KLHL14: variants seen among roughly 807,000 people sequenced by gnomAD.
KLHL14 encodes the protein kelch like family member 14, also known as kelch-like protein 14.
A neutral mutation model predicts 64.3 loss-of-function variants in KLHL14; 22 were observed. That is an observed-to-expected ratio of 0.34 (90% CI 0.24 to 0.49). KLHL14 has a LOEUF of 0.49. Ranked by LOEUF, KLHL14 falls within the 20% of genes least tolerant of loss-of-function variation. The probability of loss-of-function intolerance (pLI) is 0.99; values close to 1 mark genes in which losing one functional copy is unlikely to be tolerated. For missense variants in KLHL14, 661 were observed against 789.0 expected, an observed-to-expected ratio of 0.84 and a Z score of 1.94; for synonymous variants, 322 against 333.4, an observed-to-expected ratio of 0.97 and a Z score of 0.37.
At chr18:32,758,217 GGTTCAAGCA>G (rs1238522546) in intron 2 of KLHL14, among the ~76,000 whole-genome samples, 1 of 151,930 alleles carries the variant, frequency 6.6e-6, no homozygotes, top group African/African-American at 2.4e-5. Flanking sequence ...CAAACTCCTG[GGTTCAAGCA>G]GTTTTCCTGC....
chr18:32,733,973 C>G (rs2050150129), intron 3 of KLHL14: 1 of 585,300 alleles, frequency 1.7e-6, no homozygotes, highest in Non-Finnish European at 3.0e-6. Context: ...CATTCCGGGT[C>G]AAGAGGAGTC....
intron 3 of KLHL14, among the ~76,000 whole-genome samples, chr18:32,724,124 GA>G (rs2050093728): frequency 6.6e-6 from 1 of 152,112 alleles, no homozygotes; most frequent in Non-Finnish European, 1.5e-5. Context: ...TGGCTTAATA[GA>G]AAAAACACTG....
chr18:32,703,114 G>T (rs917569763), intron 3 of KLHL14, among the ~76,000 whole-genome samples: 6 of 152,120 alleles, frequency 3.9e-5, no homozygotes, highest in Non-Finnish European at 5.9e-5. Context: ...TCTTTGGCTT[G>T]TCACCCCCAA....
At chr18:32,730,772 C>G (rs1466439784) in intron 3 of KLHL14, among the ~76,000 whole-genome samples, 1 of 152,152 alleles carries the variant, frequency 6.6e-6, no homozygotes, top group African/African-American at 2.4e-5. Flanking sequence ...AATGTGGGAA[C>G]ATTATGGTCT....
intron 2 of KLHL14, among the ~76,000 whole-genome samples, chr18:32,766,351 A>C (rs527594978): frequency 6.6e-6 from 1 of 152,200 alleles, no homozygotes; most frequent in African/African-American, 2.4e-5. Flanking sequence ...TTTACATTTA[A>C]TATACTAAAC....
chr18:32,696,745 G>A (rs2049938723), intron 3 of KLHL14, among the ~76,000 whole-genome samples: 1 of 152,140 alleles, frequency 6.6e-6, no homozygotes, highest in African/African-American at 2.4e-5. Context: ...GTGCTATATA[G>A]CTCTCATTTC....
chr18:32,717,157 C>T (rs987867112), intron 3 of KLHL14, among the ~76,000 whole-genome samples: 1 of 152,122 alleles, frequency 6.6e-6, no homozygotes, highest in African/African-American at 2.4e-5. Flanking sequence ...CTTTTAGTTA[C>T]GTGAGAAAAC....
Position 32,680,407 on chromosome 18 carries a change from G to A in KLHL14, c.1429+2C>T. The A allele has an allele frequency of 6.2e-7, 1 of 1,613,826 alleles. No individual in the cohort carries two copies. Among genetic ancestry groups the A allele is most frequent in the Non-Finnish European group, 8.5e-7 (1 of 1,179,806 alleles). ...GTAACAGAAAGTGGAGGAATTACTTGCCTGAAATGTATATTTTCCCATTGT... is the reference window on the plus strand; with the variant it reads ...GTAACAGAAAGTGGAGGAATTACTTACCTGAAATGTATATTTTCCCATTGT... On this transcript the variant is annotated splice_donor_variant, in intron 6 of 8. Coordinates refer to ENST00000359358, the MANE Select transcript of KLHL14 (RefSeq NM_020805.3). LOFTEE classifies it low-confidence loss of function (GC_TO_GT_DONOR). This position sits in a 1 kb window ranked among gnomAD's most constrained non-coding sequence, Gnocchi z 4.8.
At position 32,677,271 on chromosome 18, in the gene KLHL14, T is replaced by C. The variant is rs1308086233; in HGVS notation, c.1648A>G (p.Asn550Asp). 2.5e-6 allele frequency: 4 copies of C among 1,613,612 alleles called. No homozygotes were observed. In the East Asian group the frequency reaches 8.9e-5, roughly 36 times the overall value. The change falls in exon 8 of 9, where the codon AAT becomes GAT. Residue 550 changes from asparagine (N) to aspartate (D), a missense_variant. Around this residue, in one of 2 missense-constraint regions of KLHL14, gnomAD observed 330 missense variants for 450.0 expected, o/e 0.73. Coordinates refer to ENST00000359358, the MANE Select transcript of KLHL14 (RefSeq NM_020805.3). ...ECYDPKGDQWNILQTPILEGR... is the reference protein window; with the variant it reads ...ECYDPKGDQWDILQTPILEGR... ...TCCAAAATGGGAGTTTGGAGTATATTCCACTGGTCACCTTTTGGGTCATAG... is the reference window on the plus strand; with the variant it reads ...TCCAAAATGGGAGTTTGGAGTATATCCCACTGGTCACCTTTTGGGTCATAG...
At chr18:32,686,691 CTAAT>C (rs1338587714) in intron 5 of KLHL14, among the ~76,000 whole-genome samples, 2 of 151,864 alleles carry the variant, frequency 1.3e-5, no homozygotes, top group African/African-American at 4.8e-5. Flanking sequence ...TATTTCATAT[CTAAT>C]TATCTAAATA....
At chr18:32,761,076 C>T (rs1364164719) in intron 2 of KLHL14, among the ~76,000 whole-genome samples, 1 of 152,178 alleles carries the variant, frequency 6.6e-6, no homozygotes, top group Non-Finnish European at 1.5e-5. Flanking sequence ...AAACTTAAAA[C>T]AGCATTTTAT....
At chr18:32,767,419 T>C (rs1435996717) in intron 2 of KLHL14, among the ~76,000 whole-genome samples, 1 of 152,214 alleles carries the variant, frequency 6.6e-6, no homozygotes, top group Non-Finnish European at 1.5e-5. Flanking sequence ...CAATGATAGG[T>C]TCGCATGAAC....
chr18:32,688,603 G>T (rs1298775355), intron 4 of KLHL14, among the ~76,000 whole-genome samples: 1 of 152,236 alleles, frequency 6.6e-6, no homozygotes, highest in Non-Finnish European at 1.5e-5. Context: ...GGGCAGGAAA[G>T]AATTAAGTCC....
intron 5 of KLHL14, among the ~76,000 whole-genome samples, chr18:32,682,610 A>C (rs1301098645): frequency 6.6e-6 from 1 of 152,090 alleles, no homozygotes; most frequent in Non-Finnish European, 1.5e-5. Flanking sequence ...GGGACTAAAA[A>C]CTCATCTAAA....
Position 32,770,145 on chromosome 18 carries a change from C to T in KLHL14, c.447G>A (p.Leu149=), listed in dbSNP as rs1468916040. 1 of 1,614,166 alleles carries T rather than the reference C, an allele frequency of 6.2e-7. No individual in the cohort carries two copies. Among genetic ancestry groups the T allele is most frequent in the South Asian group, 1.1e-5 (1 of 91,088 alleles). ...GCACCTCCTCCACCGTGTCCAGGGA[C>T]AGGGTCACGTTGGCCGTGTAGAGGT... is the stretch of plus-strand genomic sequence containing the variant. The part of the protein sequence containing the change: ...LEYLYTANVT[L]SLDTVEEVLS... The change falls in exon 2 of 9, where the codon CTG becomes CTA. Residue 149 remains leucine, a synonymous_variant. Coordinates refer to ENST00000359358, the MANE Select transcript of KLHL14 (RefSeq NM_020805.3). The surrounding 1 kb of genome is among the most constrained non-coding windows in gnomAD (Gnocchi z 6.7).
intron 2 of KLHL14, among the ~76,000 whole-genome samples, chr18:32,747,833 C>T (rs2050231354): frequency 6.6e-6 from 1 of 152,068 alleles, no homozygotes. Flanking sequence ...GTTTTCAAGC[C>T]AAGTTTTTCC....
intron 3 of KLHL14, among the ~76,000 whole-genome samples, chr18:32,735,623 A>C (rs1257050011): frequency 2.0e-5 from 3 of 152,124 alleles, no homozygotes; most frequent in Non-Finnish European, 4.4e-5. Context: ...CCATTTCTTT[A>C]GTAATATTCC....
rs765533940 is a variant in KLHL14 at position 32,770,393 on chromosome 18, G to T, written c.199C>A (p.Pro67Thr). ...YFRSLFSSHPPLGGGVGGQDG... is the reference protein window; with the variant it reads ...YFRSLFSSHPTLGGGVGGQDG... ...TGGCCGCCGACCCCTCCCCCGAGAG[G>T]GGGGTGGCTGGAGAAGAGCGATCGG... The change falls in exon 2 of 9, where the codon CCT becomes ACT. Residue 67 changes from proline to threonine, a missense_variant. Pro to Thr is a conservative substitution (Grantham distance 38). This residue lies in a region of KLHL14 where 331 missense variants were observed against 339.0 expected (regional missense o/e 0.98). Coordinates refer to ENST00000359358, the MANE Select transcript of KLHL14 (RefSeq NM_020805.3). The surrounding 1 kb of genome is among the most constrained non-coding windows in gnomAD (Gnocchi z 6.7). 11 of 1,597,318 alleles carry T rather than the reference G, an allele frequency of 6.9e-6. No homozygotes were observed. The Admixed American group carries it at 1.2e-4, about 17-fold the overall frequency.
chr18:32,688,495 T>C (rs1351668971), intron 4 of KLHL14, among the ~76,000 whole-genome samples: 1 of 152,100 alleles, frequency 6.6e-6, no homozygotes, highest in African/African-American at 2.4e-5. Context: ...AAGCCAAGAA[T>C]GATAAAGGGG....
Sources: gnomAD v4.1 joint callset for allele counts (sites outside exome capture counted in the v4.1 genomes callset) on GRCh38, gnomAD v4.1.1 for gene constraint, gnomAD v4.1.1 regional missense constraint, Gnocchi (gnomAD v3.1) non-coding constraint, MANE v1.5 for transcripts, NCBI Gene and HGNC (gene_info 2026-07-23, HGNC 2026-07-21) for gene names.